The following ZDHHC11B variants were observed in gnomAD, a reference collection of about 807,000 sequenced individuals.
The protein encoded by ZDHHC11B is probable palmitoyltransferase ZDHHC11B.
Under a neutral mutation model 42.3 loss-of-function variants are expected in ZDHHC11B, and 17 were observed. The ratio of observed to expected loss-of-function variants is 0.40; its 90% CI spans 0.27 to 0.60. The LOEUF (loss-of-function observed/expected upper bound fraction) is 0.60. ZDHHC11B is among the 20% of genes least tolerant of loss of function. The probability of loss-of-function intolerance (pLI) is 0.41; values close to 1 mark genes in which losing one functional copy is unlikely to be tolerated. For missense variants in ZDHHC11B, 262 were observed against 463.2 expected (o/e 0.57, Z 3.99); for synonymous variants, 123 against 193.5 (o/e 0.64, Z 3.02).
Position 710,439 on chromosome 5 carries a change from T to C in ZDHHC11B, c.*1851A>G, listed in dbSNP as rs1242243634. The C allele has an allele frequency of 6.5e-6, 1 of 154,608 alleles. No individual in the cohort carries two copies. Among genetic ancestry groups the C allele is most frequent in the Non-Finnish European group, 1.5e-5 (1 of 68,212 alleles). The allele number at this position is 154,608 out of a possible 1,614,324, so 9.6% of individuals were successfully genotyped here. A position where few individuals can be genotyped will look rare whatever the true frequency, so the allele number is the denominator to read the frequency against. ...TAAACAGACTAAAACGCAGAGTTCA[T>C]TAAAATACAGAGGATGCCTCTGGTT... On this transcript the variant is annotated 3_prime_UTR_variant, in exon 14 of 14. Coordinates refer to ENST00000508859, the MANE Select transcript of ZDHHC11B (RefSeq NM_001351303.2).
At chr5:748,799 C>T (rs1365259118) in intron 7 of ZDHHC11B, among the ~76,000 whole-genome samples, 1 of 129,766 alleles carries the variant, frequency 7.7e-6, no homozygotes, top group Non-Finnish European at 1.7e-5. Flanking sequence ...AACAGGGTCA[C>T]TAAGTGCCAG....
rs1485636857 is a variant in ZDHHC11B at position 748,381 on chromosome 5, G to A, written c.784+23C>T. ...TGACCAACCAGGCTTGGGGGGATCG[G>A]GGGCTTAGGGTGGGGGACATACTCA... On this transcript the variant is annotated intron_variant, in intron 8 of 13. Transcript: ENST00000508859. 34 of 1,287,870 alleles carry A rather than the reference G, an allele frequency of 2.6e-5. 9 individuals are homozygous for A. Among genetic ancestry groups the A allele is most frequent in the Non-Finnish European group, 3.3e-5 (32 of 969,790 alleles). 79.8% of individuals were successfully genotyped at this position (1,287,870 alleles called of 1,614,324 possible). A position where few individuals can be genotyped will look rare whatever the true frequency, so the allele number is the denominator to read the frequency against.
Position 754,184 on chromosome 5 carries a change from C to G in ZDHHC11B, c.503+814G>C, listed in dbSNP as rs7711376. Among the ~76,000 whole-genome samples, 14 of 57,146 alleles carry G rather than the reference C, an allele frequency of 2.4e-4. 1 individual carries two copies. Among genetic ancestry groups the G allele is most frequent in the East Asian group, 1.7e-3 (2 of 1,154 alleles). 37.5% of individuals were successfully genotyped at this position (57,146 alleles called of 152,430 possible). A position where few individuals can be genotyped will look rare whatever the true frequency, so the allele number is the denominator to read the frequency against. ...TCCACCATGCTCAGGGGAAACATCT[C>G]TCGTCTATGAGCCTCCACCATGCTC... On this transcript the variant is annotated intron_variant, in intron 6 of 13. Transcript: ENST00000508859.
chr5:728,531 TC>T, intron 12 of ZDHHC11B, among the ~76,000 whole-genome samples: 1 of 152,030 alleles, frequency 6.6e-6, no homozygotes, highest in Admixed American at 6.6e-5. Context: ...AGGGTGAATT[TC>T]CTGACAAGAA....
At chr5:764,742 C>T (rs184136535) in intron 4 of ZDHHC11B, among the ~76,000 whole-genome samples, 71 of 152,040 alleles carry the variant, frequency 4.7e-4, no homozygotes, top group Middle Eastern at 3.4e-3. Context: ...CTGAGGAGTG[C>T]GGGCACATGG....
intron 12 of ZDHHC11B, among the ~76,000 whole-genome samples, chr5:722,821 A>T (rs573380422): frequency 5.3e-4 from 80 of 151,588 alleles, no homozygotes; most frequent in Non-Finnish European, 8.4e-4. Context: ...ACGCCAACAG[A>T]CTACAGCGAC....
At chr5:764,921 A>T (rs1163481600) in intron 4 of ZDHHC11B, among the ~76,000 whole-genome samples, 2 of 128,062 alleles carry the variant, frequency 1.6e-5, no homozygotes, top group Non-Finnish European at 3.4e-5. Flanking sequence ...AAATGCACCA[A>T]TCAGCACTCT....
At chr5:758,839 G>A (rs1734200915) in intron 4 of ZDHHC11B, among the ~76,000 whole-genome samples, 1 of 151,914 alleles carries the variant, frequency 6.6e-6, no homozygotes, top group African/African-American at 2.4e-5. Context: ...CTCTGCGGGT[G>A]GGCTTGGGTC....
Position 730,470 on chromosome 5 carries a change from T to C in ZDHHC11B, c.1024-2A>G. ...TGTACTCGGGGCATCATCTGCTTCCTGTGGGGGGAAGGGAAGCAAAATTCT... is the reference window on the plus strand; with the variant it reads ...TGTACTCGGGGCATCATCTGCTTCCCGTGGGGGGAAGGGAAGCAAAATTCT... On this transcript the variant is annotated splice_acceptor_variant, in intron 11 of 13. Coordinates refer to ENST00000508859, the MANE Select transcript of ZDHHC11B (RefSeq NM_001351303.2). LOFTEE classifies it high-confidence loss of function. 3.9e-6 allele frequency: 6 copies of C among 1,554,146 alleles called. No individual in the cohort carries two copies. The highest frequency in any genetic ancestry group is 5.2e-6 in the Non-Finnish European group (6 of 1,159,704).
intron 1 of ZDHHC11B, among the ~76,000 whole-genome samples, chr5:779,027 G>GT (rs1402657545): frequency 6.6e-6 from 1 of 151,322 alleles, no homozygotes; most frequent in East Asian, 1.9e-4. Context: ...AAGCCTGCAG[G>GT]TGCCTTGATC....
intron 2 of ZDHHC11B, 68 bp from the exon 3 acceptor site, chr5:767,592 C>G: frequency 2.5e-6 from 3 of 1,191,936 alleles, no homozygotes; most frequent in Non-Finnish European, 3.5e-6. Context: ...AGGCCCCACC[C>G]CGCTTCTCCA....
chr5:720,088 C>G (rs1250370238), intron 12 of ZDHHC11B, among the ~76,000 whole-genome samples: 3 of 151,732 alleles, frequency 2.0e-5, no homozygotes, highest in African/African-American at 7.3e-5. Flanking sequence ...AATGGGGGAG[C>G]AGGAGACTAC....
chr5:772,747 G>A (rs1431301642), intron 1 of ZDHHC11B, among the ~76,000 whole-genome samples: 15 of 151,748 alleles, frequency 9.9e-5, no homozygotes, highest in Non-Finnish European at 1.6e-4. Flanking sequence ...GCACCAAGGG[G>A]TGGAGCAGTG....
At chr5:732,612 C>A in intron 11 of ZDHHC11B, 1 of 448,680 alleles carries the variant, frequency 2.2e-6, no homozygotes, top group Non-Finnish European at 4.5e-6. Flanking sequence ...TTTTCATTTC[C>A]AAGTCACAGG....
At chr5:731,731 A>C (rs376846970) in intron 11 of ZDHHC11B, among the ~76,000 whole-genome samples, 10 of 152,062 alleles carry the variant, frequency 6.6e-5, no homozygotes, top group Admixed American at 5.2e-4. Flanking sequence ...CGTTTTGTGA[A>C]ATAGTGTTTT....
intron 11 of ZDHHC11B, among the ~76,000 whole-genome samples, chr5:731,752 C>G (rs1226343272): frequency 2.0e-5 from 3 of 151,834 alleles, no homozygotes; most frequent in African/African-American, 7.3e-5. Context: ...TGGTATCTAT[C>G]AAAGAAGAGT....
chr5:743,998 C>A (rs528491725), intron 9 of ZDHHC11B, among the ~76,000 whole-genome samples: 41 of 149,986 alleles, frequency 2.7e-4, no homozygotes, highest in African/African-American at 1.0e-3. Flanking sequence ...GGGTGCTTTC[C>A]TATCATTCCT....
chr5:773,716 C>A (rs561927932), intron 1 of ZDHHC11B, among the ~76,000 whole-genome samples: 1 of 151,844 alleles, frequency 6.6e-6, no homozygotes, highest in African/African-American at 2.4e-5. Flanking sequence ...CCAAACCCCA[C>A]GGGAGCCCAA....
intron 9 of ZDHHC11B, among the ~76,000 whole-genome samples, chr5:741,870 A>G (rs1253067669): frequency 8.5e-6 from 1 of 117,338 alleles, no homozygotes; most frequent in African/African-American, 3.0e-5. Context: ...AGAAATGCCA[A>G]ACTGCTTTCC....
Sources: allele counts gnomAD v4.1 joint callset (sites outside exome capture counted in the v4.1 genomes callset), GRCh38; gene constraint gnomAD v4.1.1; transcripts MANE v1.5; gene names NCBI Gene and HGNC (gene_info 2026-07-23, HGNC 2026-07-21).